Variants in CNTN5 observed in about 807,000 individuals in gnomAD.
CNTN5 encodes the protein contactin 5.
A neutral mutation model predicts 129.1 loss-of-function variants in CNTN5; 77 were observed. The observed-to-expected ratio is 0.60, with a 90% CI of 0.50 to 0.72. The LOEUF (loss-of-function observed/expected upper bound fraction) is 0.72, where lower values mean the gene tolerates loss of function less well. Ranked by LOEUF, CNTN5 falls within the 30% of genes least tolerant of loss-of-function variation. The pLI is 0.00. For synonymous variants in CNTN5, 509 were observed against 465.6 expected (o/e 1.09, Z -1.20); for missense variants, 1,478 against 1,328.8 (o/e 1.11, Z -1.75).
intron 3 of CNTN5, among the ~76,000 whole-genome samples, chr11:99,765,331 C>T (rs1332758219): frequency 6.6e-6 from 1 of 151,308 alleles, no homozygotes; most frequent in Non-Finnish European, 1.5e-5. Context: ...ATATATACAC[C>T]ATCAGCATCA....
chr11:99,061,339 A>G (rs1210719250), intron 1 of CNTN5, among the ~76,000 whole-genome samples: 2 of 152,074 alleles, frequency 1.3e-5, no homozygotes, highest in Non-Finnish European at 2.9e-5. Flanking sequence ...AGAGGGACAG[A>G]GAGGGGACTG....
At chr11:99,301,308 GA>G (rs35978376) in intron 1 of CNTN5, among the ~76,000 whole-genome samples, 53,084 of 148,998 alleles carry the variant, frequency 0.36, 9,454 homozygotes, top group Middle Eastern at 0.41. Context: ...TGACTGAACT[GA>G]AAAAAAAAGA....
chr11:99,261,820 G>A (rs1366237156), intron 1 of CNTN5, among the ~76,000 whole-genome samples: 1 of 151,846 alleles, frequency 6.6e-6, no homozygotes, highest in African/African-American at 2.4e-5. Context: ...CACATTTGTG[G>A]CATAACTTTC....
At chr11:99,463,073 A>G (rs1944780330) in intron 2 of CNTN5, among the ~76,000 whole-genome samples, 1 of 150,402 alleles carries the variant, frequency 6.6e-6, no homozygotes, top group Non-Finnish European at 1.5e-5. Flanking sequence ...ACGCCACTGC[A>G]CTCCAGCCTG....
intron 2 of CNTN5, among the ~76,000 whole-genome samples, chr11:99,397,879 T>G (rs1250626185): frequency 2.0e-5 from 3 of 151,908 alleles, no homozygotes; most frequent in Non-Finnish European, 2.9e-5. Flanking sequence ...GGAATATTGT[T>G]GCTTTTATGG....
chr11:99,845,290 T>C (rs760920582), intron 6 of CNTN5, 28 bp downstream of exon 6: 11 of 1,479,248 alleles, frequency 7.4e-6, no homozygotes, highest in Non-Finnish European at 9.3e-6. Context: ...TTTTTCTATA[T>C]ATATGTATAT....
chr11:99,444,808 T>C (rs373345980), intron 2 of CNTN5, among the ~76,000 whole-genome samples: 1 of 151,956 alleles, frequency 6.6e-6, no homozygotes, highest in East Asian at 1.9e-4. Context: ...ATCATTTATA[T>C]GTACACATAG....
At chr11:99,069,521 T>C (rs754645673) in intron 1 of CNTN5, among the ~76,000 whole-genome samples, 15 of 152,190 alleles carry the variant, frequency 9.9e-5, no homozygotes, top group Non-Finnish European at 1.6e-4. Flanking sequence ...ATCTCTGTTA[T>C]GGCGAATGCA....
chr11:99,761,501 T>C (rs952745479), intron 3 of CNTN5, among the ~76,000 whole-genome samples: 15 of 151,500 alleles, frequency 9.9e-5, no homozygotes, highest in African/African-American at 3.6e-4. Flanking sequence ...CACCTATGAG[T>C]GAGAATATGC....
intron 1 of CNTN5, among the ~76,000 whole-genome samples, chr11:99,248,580 A>G (rs910923540): frequency 7.2e-5 from 11 of 151,872 alleles, no homozygotes; most frequent in African/African-American, 2.4e-4. Context: ...TTCTTCTAGG[A>G]TTTTTATGGT....
intron 1 of CNTN5, among the ~76,000 whole-genome samples, chr11:99,240,540 T>G (rs1211179917): frequency 4.6e-5 from 7 of 152,130 alleles, no homozygotes; most frequent in Non-Finnish European, 1.0e-4. Context: ...GAAACAAGTC[T>G]TTTCTGCCTC....
At chr11:99,710,776 G>T (rs1954953603) in intron 3 of CNTN5, among the ~76,000 whole-genome samples, 1 of 151,794 alleles carries the variant, frequency 6.6e-6, no homozygotes, top group Non-Finnish European at 1.5e-5. Flanking sequence ...AGGGAATAGG[G>T]ATGTTCATCA....
intron 1 of CNTN5, among the ~76,000 whole-genome samples, chr11:99,160,436 G>A (rs893635440): frequency 3.3e-5 from 5 of 152,134 alleles, no homozygotes; most frequent in African/African-American, 1.2e-4. Flanking sequence ...ATCCTAATAA[G>A]TCTGTGAATT....
intron 3 of CNTN5, among the ~76,000 whole-genome samples, chr11:99,793,160 C>T (rs1051531973): frequency 3.3e-5 from 5 of 151,790 alleles, no homozygotes; most frequent in Non-Finnish European, 7.4e-5. Context: ...CCCAGGTTCA[C>T]GCCATTCTCC....
At chr11:99,741,902 G>A (rs1468335791) in intron 3 of CNTN5, among the ~76,000 whole-genome samples, 1 of 152,048 alleles carries the variant, frequency 6.6e-6, no homozygotes, top group Admixed American at 6.6e-5. Context: ...CAGTAAGGTT[G>A]TAAGTACTAA....
chr11:99,855,848 C>T (rs1281902146), intron 6 of CNTN5, among the ~76,000 whole-genome samples: 2 of 152,104 alleles, frequency 1.3e-5, no homozygotes, highest in African/African-American at 4.8e-5. Flanking sequence ...TATACAATTT[C>T]TAGAAATATT....
At chr11:100,174,264 A>G (rs537693765) in intron 13 of CNTN5, among the ~76,000 whole-genome samples, 1 of 152,246 alleles carries the variant, frequency 6.6e-6, no homozygotes, top group Non-Finnish European at 1.5e-5. Flanking sequence ...TATTTGTTAT[A>G]AGAGAAAAAG....
chr11:99,560,473 G>T (rs1948806885), intron 3 of CNTN5, among the ~76,000 whole-genome samples: 1 of 151,790 alleles, frequency 6.6e-6, no homozygotes, highest in Non-Finnish European at 1.5e-5. Flanking sequence ...TCTATTTTTA[G>T]TAGAGGTGGG....
At chr11:99,587,120 T>C (rs1343879597) in intron 3 of CNTN5, among the ~76,000 whole-genome samples, 1 of 152,162 alleles carries the variant, frequency 6.6e-6, no homozygotes, top group Non-Finnish European at 1.5e-5. Flanking sequence ...AATGAAGTCA[T>C]GTTGGCTACT....
Sources: allele counts gnomAD v4.1 joint callset (sites outside exome capture counted in the v4.1 genomes callset), GRCh38; gene constraint gnomAD v4.1.1; transcripts MANE v1.5; gene names NCBI Gene and HGNC (gene_info 2026-07-23, HGNC 2026-07-21).